Variants in REEP1 observed in about 807,000 individuals in gnomAD.
The protein encoded by REEP1 is receptor expression-enhancing protein 1.
In REEP1, 22 loss-of-function variants were observed where a neutral mutation model predicts 40.3. That is an observed-to-expected ratio of 0.55 (90% CI 0.39 to 0.78). The LOEUF (loss-of-function observed/expected upper bound fraction) is 0.78, where lower values mean the gene tolerates loss of function less well. Ranked by LOEUF, REEP1 falls within the 30% of genes least tolerant of loss-of-function variation. REEP1 has a pLI of 0.00. For missense variants in REEP1, 280 were observed against 361.1 expected, an observed-to-expected ratio of 0.78 and a Z score of 1.82; for synonymous variants, 116 against 139.2, an observed-to-expected ratio of 0.83 and a Z score of 1.17.
intron 7 of REEP1, among the ~76,000 whole-genome samples, chr2:86,224,415 G>A (rs898874759): frequency 3.9e-5 from 6 of 152,214 alleles, no homozygotes; most frequent in Non-Finnish European, 8.8e-5. Context: ...ATCCAGTAGA[G>A]ACTGTCAGAG....
chr2:86,326,976 C>T (rs999836601), intron 1 of REEP1, among the ~76,000 whole-genome samples: 1 of 152,212 alleles, frequency 6.6e-6, no homozygotes, highest in Admixed American at 6.5e-5. Context: ...AACTCTTGGC[C>T]TAGCCAATCG....
Position 86,270,912 on chromosome 2 carries a change from A to T in REEP1, c.106-6871T>A, listed in dbSNP as rs193051590. ...AAGTTCTAAAATTTGATTAAAAAAA[A>T]AATAACAAACCCTGATCAGGTGTGA... On this transcript the variant is annotated intron_variant, in intron 2 of 8. Transcript: ENST00000538924. 1.4e-3 allele frequency among the ~76,000 whole-genome samples: 213 copies of T among 152,290 alleles called. 4 individuals are homozygous for T. Among genetic ancestry groups the T allele is most frequent in the Admixed American group, 0.011 (172 of 15,298 alleles).
chr2:86,279,800 C>T (rs1189611020), intron 2 of REEP1, among the ~76,000 whole-genome samples: 2 of 152,286 alleles, frequency 1.3e-5, no homozygotes, highest in African/African-American at 4.8e-5. Context: ...CCCCTGGAGC[C>T]ACTAAACGGA....
At chr2:86,247,666 G>A (rs557674455) in intron 5 of REEP1, among the ~76,000 whole-genome samples, 2 of 151,990 alleles carry the variant, frequency 1.3e-5, no homozygotes, top group East Asian at 1.9e-4. Flanking sequence ...CACCTCCCGG[G>A]TTCAAGTGAT....
Position 86,326,904 on chromosome 2 carries a change from A to G in REEP1, c.32+10575T>C, listed in dbSNP as rs186419209. Among the ~76,000 whole-genome samples the G allele has an allele frequency of 2.2e-3, 328 of 152,252 alleles. 2 individuals carry two copies. The highest frequency in any genetic ancestry group is 2.4e-3 in the Non-Finnish European group (162 of 68,012). On this transcript the variant is annotated intron_variant, in intron 1 of 8. Transcript: ENST00000538924. ...GGTTCTAGTCCAATTCTCTACCCAT[A>G]TAAAACAAGCTTACTCTCTTTCCCA...
intron 1 of REEP1, among the ~76,000 whole-genome samples, chr2:86,307,903 A>G (rs1400547115): frequency 6.6e-6 from 1 of 152,228 alleles, no homozygotes; most frequent in Non-Finnish European, 1.5e-5. Context: ...AAGATTCTCT[A>G]CAATGTTATT....
intron 1 of REEP1, among the ~76,000 whole-genome samples, chr2:86,335,589 G>T (rs181258689): frequency 1.3e-5 from 2 of 152,248 alleles, no homozygotes; most frequent in Admixed American, 1.3e-4. Flanking sequence ...GGTAGCTCAC[G>T]CCTGTAATCC....
intron 5 of REEP1, among the ~76,000 whole-genome samples, chr2:86,249,921 C>G (rs572818285): frequency 6.6e-6 from 1 of 152,332 alleles, no homozygotes; most frequent in Non-Finnish European, 1.5e-5. Context: ...AGAAAATTTT[C>G]TCATCTGAAA....
intron 7 of REEP1, among the ~76,000 whole-genome samples, chr2:86,225,397 G>A (rs1428156453): frequency 1.3e-5 from 2 of 152,144 alleles, no homozygotes; most frequent in African/African-American, 2.4e-5. Context: ...TCAGCCTCTC[G>A]AGTAGCTGGG....
Position 86,337,388 on chromosome 2 carries a change from A to T in REEP1, c.32+91T>A. On this transcript the variant is annotated intron_variant, in intron 1 of 8. Coordinates refer to ENST00000538924, the MANE Select transcript of REEP1 (RefSeq NM_001371279.1). This position sits in a 1 kb window ranked among gnomAD's most constrained non-coding sequence, Gnocchi z 5.8. ...GCGCCGGGTATTAATAGCCCGAGCCACTGGGACCGGGCGCTGTAGGGGCGC... is the reference window on the plus strand; with the variant it reads ...GCGCCGGGTATTAATAGCCCGAGCCTCTGGGACCGGGCGCTGTAGGGGCGC... 1 of 842,602 alleles carries T rather than the reference A, an allele frequency of 1.2e-6. No individual in the cohort carries two copies. Among genetic ancestry groups the T allele is most frequent in the Middle Eastern group, 4.5e-4 (1 of 2,218 alleles). 52.2% of individuals were successfully genotyped at this position (842,602 alleles called of 1,614,324 possible).
intron 5 of REEP1, among the ~76,000 whole-genome samples, chr2:86,235,031 A>G (rs1485080058): frequency 6.6e-6 from 1 of 152,230 alleles, no homozygotes; most frequent in Admixed American, 6.5e-5. Flanking sequence ...TTAGTGTTCA[A>G]GCAAACTGTT....
chr2:86,322,540 G>T (rs900215826), intron 1 of REEP1, among the ~76,000 whole-genome samples: 2 of 151,840 alleles, frequency 1.3e-5, no homozygotes, highest in South Asian at 2.1e-4. Flanking sequence ...TGACCTCCTG[G>T]GTGCAAGAGA....
intron 6 of REEP1, among the ~76,000 whole-genome samples, chr2:86,231,833 G>A (rs60791163): frequency 0.03 from 4,623 of 152,228 alleles, 117 homozygotes; most frequent in East Asian, 0.074. Flanking sequence ...ACCCGTGCTG[G>A]TGGATCCGAT....
intron 3 of REEP1, 123 bp from the exon 4 acceptor site, chr2:86,254,937 G>C: frequency 9.6e-7 from 1 of 1,040,350 alleles, no homozygotes; most frequent in Non-Finnish European, 1.5e-6. Context: ...AAGTTTCCCA[G>C]ATTCCTCTGT....
intron 1 of REEP1, among the ~76,000 whole-genome samples, chr2:86,314,047 G>T (rs748908738): frequency 6.6e-6 from 1 of 152,202 alleles, no homozygotes; most frequent in Non-Finnish European, 1.5e-5. Flanking sequence ...GAAGCCATTT[G>T]CAAACTGCCA....
intron 1 of REEP1, among the ~76,000 whole-genome samples, chr2:86,327,546 AGG>A (rs1340742048): frequency 1.4e-5 from 2 of 147,616 alleles, no homozygotes; most frequent in Admixed American, 6.8e-5. Context: ...TTTAAACAGC[AGG>A]GGAAAGATGG....
At chr2:86,235,241 AG>A (rs1295724248) in intron 5 of REEP1, among the ~76,000 whole-genome samples, 1 of 152,242 alleles carries the variant, frequency 6.6e-6, no homozygotes, top group Non-Finnish European at 1.5e-5. Flanking sequence ...AGCTACAGAA[AG>A]TGAAGATTGA....
chr2:86,246,650 A>G (rs1335083775), intron 5 of REEP1, among the ~76,000 whole-genome samples: 1 of 151,280 alleles, frequency 6.6e-6, no homozygotes, highest in East Asian at 1.9e-4. Context: ...ATTTTTGTTC[A>G]GTGGTTCGTC....
At chr2:86,265,381 TGACTAAGA>T (rs1253814564) in intron 2 of REEP1, among the ~76,000 whole-genome samples, 1 of 152,152 alleles carries the variant, frequency 6.6e-6, no homozygotes, top group Admixed American at 6.5e-5. Flanking sequence ...ATTAACTCTA[TGACTAAGA>T]GCAAAATTTA....
Sources: gnomAD v4.1 joint callset for allele counts (sites outside exome capture counted in the v4.1 genomes callset) on GRCh38, gnomAD v4.1.1 for gene constraint, Gnocchi (gnomAD v3.1) non-coding constraint, MANE v1.5 for transcripts, NCBI Gene and HGNC (gene_info 2026-07-23, HGNC 2026-07-21) for gene names.